Variants in MXI1 observed in about 807,000 individuals in gnomAD.
The protein encoded by MXI1 is max-interacting protein 1.
In MXI1, 18 loss-of-function variants were observed where a neutral mutation model predicts 36.9. That is an observed-to-expected ratio of 0.49 (90% CI 0.34 to 0.72). The LOEUF (loss-of-function observed/expected upper bound fraction) is 0.72, where lower values mean the gene tolerates loss of function less well. Ranked by LOEUF, MXI1 falls within the 30% of genes least tolerant of loss-of-function variation. MXI1 has a pLI of 0.01. For missense variants in MXI1, 304 were observed against 379.1 expected (o/e 0.80, Z 1.64); for synonymous variants, 160 against 146.7 (o/e 1.09, Z -0.65).
intron 3 of MXI1, among the ~76,000 whole-genome samples, chr10:110,266,865 C>T (rs991513185): frequency 1.3e-5 from 2 of 152,102 alleles, no homozygotes; most frequent in African/African-American, 2.4e-5. Context: ...AATTTTAACC[C>T]ATAACCTATC....
intron 3 of MXI1, among the ~76,000 whole-genome samples, chr10:110,249,148 T>A (rs1855977868): frequency 6.6e-6 from 1 of 152,178 alleles, no homozygotes; most frequent in Non-Finnish European, 1.5e-5. Flanking sequence ...TAAATAGAAT[T>A]TTGGCTTTAC....
chr10:110,267,081 A>G (rs1323357330), intron 3 of MXI1, among the ~76,000 whole-genome samples: 1 of 152,212 alleles, frequency 6.6e-6, no homozygotes, highest in African/African-American at 2.4e-5. Flanking sequence ...ATAAGGGAGA[A>G]ACTTGGAAAT....
chr10:110,283,430 A>G (rs1857330122), intron 5 of MXI1, among the ~76,000 whole-genome samples: 2 of 151,882 alleles, frequency 1.3e-5, no homozygotes, highest in Admixed American at 6.6e-5. Flanking sequence ...TGCCCAGCTA[A>G]TTTTTCTATT....
chr10:110,283,167 CTCTAGAA>C (rs1857318465), intron 5 of MXI1, among the ~76,000 whole-genome samples: 1 of 152,130 alleles, frequency 6.6e-6, no homozygotes, highest in Non-Finnish European at 1.5e-5. Flanking sequence ...TTAAAAACAT[CTCTAGAA>C]TCTCTAAAAC....
In MXI1 at chr10:110,208,041, A is replaced by C. The variant is rs763925808; in HGVS notation, c.233A>C (p.Glu78Ala). Residue 78 changes from glutamate to alanine, a missense_variant, in exon 1 of 6, where the codon GAG becomes GCG. Around this residue, in one of 2 missense-constraint regions of MXI1, gnomAD observed 179 missense variants for 184.8 expected, o/e 0.97. Transcript: ENST00000332674. Reference sequence around the variant, plus strand: ...CTGCAGAACGTGCAGATTCTGCTCGAGGCCGCCAGCTACCTGGAGCAGATC... The same window carrying C: ...CTGCAGAACGTGCAGATTCTGCTCGCGGCCGCCAGCTACCTGGAGCAGATC... ...TFLQNVQILL[E>A]AASYLEQIEK... 1.7e-5 allele frequency: 28 copies of C among 1,602,420 alleles called. No individual in the cohort carries two copies. Among genetic ancestry groups the C allele is most frequent in the Non-Finnish European group, 1.7e-6 (2 of 1,174,636 alleles).
At chr10:110,232,309 C>T (rs764465257) in intron 2 of MXI1, among the ~76,000 whole-genome samples, 3 of 152,082 alleles carry the variant, frequency 2.0e-5, no homozygotes, top group African/African-American at 2.4e-5. Context: ...CTTCAGTACG[C>T]GTTTTCTTCT....
rs367568140 is a variant in MXI1 at position 110,207,980 on chromosome 10, A to G, written c.172A>G (p.Ser58Gly). ...CCCCTTCTCAGACATTTTCAACACC[A>G]GCGAGAACTCGATGGAGAAGCACAT... is the stretch of plus-strand genomic sequence containing the variant. ...RCPFSDIFNT[S>G]ENSMEKHINT... The change falls in exon 1 of 6, where the codon AGC becomes GGC. Residue 58 changes from serine to glycine, a missense_variant. By Grantham distance (56) the Ser-to-Gly change is moderately conservative (BLOSUM62 0). Around this residue, in one of 2 missense-constraint regions of MXI1, gnomAD observed 179 missense variants for 184.8 expected, o/e 0.97. Transcript: ENST00000332674. The G allele has an allele frequency of 3.8e-6, 6 of 1,596,416 alleles. No homozygotes were observed. The African/African-American group carries it at 4.1e-5, about 11-fold the overall frequency.
Position 110,226,377 on chromosome 10 carries a change from CGCGCATGAGGTGAGGTGT to C in MXI1, c.275-1807_275-1790del, listed in dbSNP as rs1242097454. 6.0e-6 allele frequency: 7 copies of C among 1,167,812 alleles called. No individual in the cohort carries two copies. The East Asian group carries it at 2.0e-4, about 34-fold the overall frequency. The allele number at this position is 1,167,812 out of a possible 1,614,324, so 72.3% of individuals were successfully genotyped here. On this transcript the variant is annotated intron_variant, in intron 1 of 5. Transcript: ENST00000332674. ...TAAGGGAGGGCACGCGTGTGAGGTG[CGCGCATGAGGTGAGGTGT>C]GCGCGCATGTGAGGGGAGGGGTGTG...
At chr10:110,227,923 C>G in intron 1 of MXI1, 2 of 432,646 alleles carry the variant, frequency 4.6e-6, no homozygotes, top group Non-Finnish European at 8.4e-6. Flanking sequence ...CATCTGAAAT[C>G]TCAAGTTCTT....
intron 2 of MXI1, among the ~76,000 whole-genome samples, chr10:110,241,005 G>T (rs1855651990): frequency 6.6e-6 from 1 of 151,718 alleles, no homozygotes; most frequent in African/African-American, 2.4e-5. Flanking sequence ...CATTTCTATG[G>T]TTCATTTCTT....
At chr10:110,279,053 A>T in intron 3 of MXI1, 127 bp from the exon 4 acceptor site, 1 of 654,924 alleles carries the variant, frequency 1.5e-6, no homozygotes. Flanking sequence ...GACAGTGGAG[A>T]ATTAGGGGTG....
intron 1 of MXI1, among the ~76,000 whole-genome samples, chr10:110,209,328 CGT>C (rs887794455): frequency 1.3e-4 from 19 of 151,822 alleles, no homozygotes; most frequent in Admixed American, 2.6e-4. Context: ...TACGTGTGCG[CGT>C]GTGTGTGTGA....
chr10:110,235,881 C>A (rs1035756583), intron 2 of MXI1, among the ~76,000 whole-genome samples: 13 of 151,830 alleles, frequency 8.6e-5, no homozygotes, highest in African/African-American at 3.1e-4. Context: ...GTGGCACACG[C>A]CAGTAATCCC....
intron 3 of MXI1, among the ~76,000 whole-genome samples, chr10:110,254,407 C>T (rs1489476588): frequency 6.6e-6 from 1 of 152,044 alleles, no homozygotes; most frequent in Non-Finnish European, 1.5e-5. Context: ...CTCTTATTGT[C>T]CCTGAGACAC....
intron 2 of MXI1, 129 bp from the exon 3 acceptor site, chr10:110,244,699 G>A (rs1855795668): frequency 3.0e-6 from 2 of 656,054 alleles, no homozygotes; most frequent in South Asian, 2.2e-5. Flanking sequence ...GAGTGAGCTT[G>A]TAGAAGTCTG....
chr10:110,268,716 G>A (rs772114529), intron 3 of MXI1, among the ~76,000 whole-genome samples: 35 of 151,486 alleles, frequency 2.3e-4, no homozygotes, highest in Non-Finnish European at 4.4e-4. Context: ...GCCTCCAAAA[G>A]TTACTCTCAA....
At chr10:110,250,373 A>G (rs575781518) in intron 3 of MXI1, among the ~76,000 whole-genome samples, 3 of 152,294 alleles carry the variant, frequency 2.0e-5, no homozygotes, top group African/African-American at 7.2e-5. Context: ...AAACTTAATG[A>G]GACTTTGAGA....
intron 3 of MXI1, among the ~76,000 whole-genome samples, chr10:110,262,208 C>G (rs562868059): frequency 6.6e-6 from 1 of 152,162 alleles, no homozygotes; most frequent in African/African-American, 2.4e-5. Context: ...GACTTTTTCC[C>G]TGTGTCCTTA....
rs1184812681 is a variant in MXI1 at position 110,279,277 on chromosome 10, G to A, written c.535G>A (p.Ala179Thr). The stretch of plus-strand genomic sequence containing the variant: ...CACAACACTTGGTTTGCTCAACAAA[G>A]CCAAAGCACACATCAAGGTGAGAAT... ...RHTTLGLLNK[A>T]KAHIKKLEEA... is the part of the protein sequence containing the mutation. Residue 179 changes from alanine to threonine, a missense_variant, in exon 4 of 6, where the codon GCC becomes ACC. Physicochemically the swap from Ala to Thr is moderately conservative, Grantham distance 58. Coordinates refer to ENST00000332674, the MANE Select transcript of MXI1 (RefSeq NM_130439.3). The A allele has an allele frequency of 1.9e-6, 3 of 1,613,900 alleles. No homozygotes were observed. The highest frequency in any genetic ancestry group is 2.7e-5 in the African/African-American group (2 of 74,912).
Sources: allele counts gnomAD v4.1 joint callset (sites outside exome capture counted in the v4.1 genomes callset), GRCh38; gene constraint gnomAD v4.1.1; regional missense constraint gnomAD v4.1.1; transcripts MANE v1.5; gene names NCBI Gene and HGNC (gene_info 2026-07-23, HGNC 2026-07-21).